The following DMD variants were observed in gnomAD, a reference collection of about 807,000 sequenced individuals.
The protein encoded by DMD is dystrophin, also known as mutant dystrophin.
DMD carries 63 observed loss-of-function variants against 330.1 expected under a neutral mutation model. The observed-to-expected ratio is 0.19, with a 90% CI of 0.16 to 0.24. The LOEUF (loss-of-function observed/expected upper bound fraction) is 0.24. Among genes scored for constraint, DMD ranks in the 10% least tolerant of loss-of-function variants. The pLI is 1.00. For synonymous variants in DMD, 1,223 were observed against 959.8 expected, an observed-to-expected ratio of 1.27 and a Z score of -5.07; for missense variants, 3,344 against 2,684.1, an observed-to-expected ratio of 1.25 and a Z score of -5.43.
intron 1 of DMD, among the ~76,000 whole-genome samples, chrX:33,243,282 T>C (rs1196054582): frequency 8.9e-6 from 1 of 112,129 alleles, no homozygotes; most frequent in Non-Finnish European, 1.9e-5. Flanking sequence ...GCTACTGATA[T>C]GTTGATTTTG....
At chrX:31,954,040 T>G (rs1014438978) in intron 45 of DMD, among the ~76,000 whole-genome samples, 1 of 110,838 alleles carries the variant, frequency 9.0e-6, no homozygotes, top group Non-Finnish European at 1.9e-5. Flanking sequence ...AAGCTGTTTT[T>G]GTCATGGATA....
At chrX:31,708,097 T>C (rs1382182318) in intron 52 of DMD, among the ~76,000 whole-genome samples, 5 of 112,076 alleles carry the variant, frequency 4.5e-5, no homozygotes, top group Admixed American at 9.5e-5. Flanking sequence ...AATAGATGTT[T>C]ATATTTCAGC....
intron 7 of DMD, among the ~76,000 whole-genome samples, chrX:32,802,481 T>C (rs1263249425): frequency 9.0e-6 from 1 of 111,668 alleles, no homozygotes; most frequent in Non-Finnish European, 1.9e-5. Context: ...TTCTCCTGCC[T>C]GATTGTGCTG....
At chrX:32,847,968 A>G (rs2080828819) in intron 3 of DMD, among the ~76,000 whole-genome samples, 1 of 112,340 alleles carries the variant, frequency 8.9e-6, no homozygotes, top group African/African-American at 3.2e-5. Context: ...ATATCTGAGT[A>G]TAAACACCCA....
At chrX:31,467,859 T>G (rs184998098) in intron 59 of DMD, among the ~76,000 whole-genome samples, 19 of 111,990 alleles carry the variant, frequency 1.7e-4, no homozygotes. Context: ...TATTGGTCTA[T>G]TCAGGGATTC....
At chrX:31,582,542 G>T (rs910626653) in intron 55 of DMD, among the ~76,000 whole-genome samples, 1 of 112,136 alleles carries the variant, frequency 8.9e-6, no homozygotes, top group African/African-American at 3.2e-5. Flanking sequence ...GATGCTAGAT[G>T]CAGAAAGACC....
rs181349247 is a variant in DMD at position 32,720,462 on chromosome X, A to C, written c.650-21169T>G. On this transcript the variant is annotated intron_variant, in intron 7 of 78. Transcript: ENST00000357033. ...CAAATTACATTCATTTGGAAATGTT[A>C]TTCGATTCACATTGTTTGCCCCCAT... is the stretch of plus-strand genomic sequence containing the variant. Among the ~76,000 whole-genome samples the C allele has an allele frequency of 5.0e-3, 557 of 112,188 alleles. 14 individuals are homozygous for C. The highest frequency in any genetic ancestry group is 0.017 in the African/African-American group (528 of 30,990).
intron 44 of DMD, among the ~76,000 whole-genome samples, chrX:32,056,772 A>G (rs1243765691): frequency 9.0e-6 from 1 of 111,490 alleles, no homozygotes; most frequent in East Asian, 2.8e-4. Flanking sequence ...AGCTCATTCT[A>G]CAAGGGGCAT....
intron 34 of DMD, among the ~76,000 whole-genome samples, chrX:32,379,429 A>T (rs2097916273): frequency 9.0e-6 from 1 of 111,170 alleles, no homozygotes; most frequent in Non-Finnish European, 1.9e-5. Context: ...TGTTTGAATG[A>T]TAAGAAAAAA....
chrX:32,405,990 A>T (rs1444786893), intron 30 of DMD, among the ~76,000 whole-genome samples: 1 of 110,968 alleles, frequency 9.0e-6, no homozygotes, highest in African/African-American at 3.3e-5. Flanking sequence ...TTGGATTCCT[A>T]GGTATTTTAT....
At chrX:33,054,138 G>C (rs910637789) in intron 1 of DMD, among the ~76,000 whole-genome samples, 1 of 111,980 alleles carries the variant, frequency 8.9e-6, no homozygotes, top group African/African-American at 3.2e-5. Context: ...ATAAACTAAG[G>C]TAACAGCCAT....
chrX:33,326,447 G>T (rs2054090502), intron 1 of DMD, among the ~76,000 whole-genome samples: 1 of 111,745 alleles, frequency 8.9e-6, no homozygotes, highest in Non-Finnish European at 1.9e-5. Context: ...GGATTATAAA[G>T]CATGTACCAA....
chrX:32,422,927 G>T (rs1396295246), intron 29 of DMD, among the ~76,000 whole-genome samples: 2 of 111,295 alleles, frequency 1.8e-5, no homozygotes, highest in South Asian at 7.4e-4. Flanking sequence ...AGAGAGAGAT[G>T]AATATGTACC....
At chrX:31,457,706 G>A (rs1229836839) in intron 59 of DMD, among the ~76,000 whole-genome samples, 3 of 111,703 alleles carry the variant, frequency 2.7e-5, no homozygotes, top group African/African-American at 9.7e-5. Context: ...TGAGTTACCC[G>A]TGCAATATGC....
chrX:31,265,966 T>C (rs1449989963), intron 62 of DMD, among the ~76,000 whole-genome samples: 1 of 108,468 alleles, frequency 9.2e-6, no homozygotes, highest in Admixed American at 9.9e-5. Flanking sequence ...TATGCCTCCC[T>C]CGAGCAACTA....
chrX:33,002,855 A>G (rs1264054295), intron 2 of DMD, among the ~76,000 whole-genome samples: 15 of 88,139 alleles, frequency 1.7e-4, no homozygotes, highest in African/African-American at 5.9e-4. Context: ...TTCTCGAAAA[A>G]AAAAAAAAAA....
intron 16 of DMD, among the ~76,000 whole-genome samples, chrX:32,552,743 TA>T (rs2049721149): frequency 9.0e-6 from 1 of 111,347 alleles, no homozygotes; most frequent in African/African-American, 3.3e-5. Flanking sequence ...ACATCACCAT[TA>T]AAAAGTGGGC....
At chrX:32,690,445 AATCTTT>A (rs773633224) in intron 9 of DMD, among the ~76,000 whole-genome samples, 1 of 111,666 alleles carries the variant, frequency 9.0e-6, no homozygotes, top group Non-Finnish European at 1.9e-5. Flanking sequence ...GAACTAATAT[AATCTTT>A]ATCAAAATTC....
At chrX:31,208,618 GA>G (rs1356352976) in intron 65 of DMD, among the ~76,000 whole-genome samples, 3 of 111,142 alleles carry the variant, frequency 2.7e-5, no homozygotes, top group African/African-American at 9.8e-5. Context: ...AAATAAGAAA[GA>G]AAAAAAGGTA....
Sources: gnomAD v4.1 joint callset for allele counts (sites outside exome capture counted in the v4.1 genomes callset) on GRCh38, gnomAD v4.1.1 for gene constraint, MANE v1.5 for transcripts, NCBI Gene and HGNC (gene_info 2026-07-23, HGNC 2026-07-21) for gene names.